Variants in PCDH11X observed in about 807,000 individuals in gnomAD.
PCDH11X encodes the protein protocadherin 11 X-linked.
PCDH11X carries 18 observed loss-of-function variants against 53.3 expected under a neutral mutation model. The ratio of observed to expected loss-of-function variants is 0.34; its 90% CI spans 0.23 to 0.50. The LOEUF is 0.50. PCDH11X is among the 20% of genes least tolerant of loss of function. PCDH11X has a pLI of 0.98. For synonymous variants in PCDH11X, 279 were observed against 393.3 expected, an observed-to-expected ratio of 0.71 and a Z score of 3.44; for missense variants, 570 against 1,032.4, an observed-to-expected ratio of 0.55 and a Z score of 6.14.
intron 6 of PCDH11X, among the ~76,000 whole-genome samples, chrX:92,118,471 T>C (rs1449168248): frequency 9.3e-6 from 1 of 107,969 alleles, no homozygotes; most frequent in Non-Finnish European, 1.9e-5. Flanking sequence ...ATGTATTGAC[T>C]CATTCCAAAG....
At chrX:92,176,494 G>C (rs1382322114) in intron 6 of PCDH11X, among the ~76,000 whole-genome samples, 1 of 112,004 alleles carries the variant, frequency 8.9e-6, no homozygotes, top group East Asian at 2.8e-4. Context: ...ATGAGATCCA[G>C]ATTCAACATG....
intron 7 of PCDH11X, among the ~76,000 whole-genome samples, chrX:92,253,971 T>G (rs2067511600): frequency 8.9e-6 from 1 of 112,128 alleles, no homozygotes. Flanking sequence ...TCCAGTACTA[T>G]GTTGAATAAC....
At chrX:92,293,615 T>C (rs1277990560) in intron 8 of PCDH11X, among the ~76,000 whole-genome samples, 1 of 88,019 alleles carries the variant, frequency 1.1e-5, no homozygotes. Context: ...AGAGCGAGAC[T>C]CCGTCTCAAA....
chrX:92,595,114 A>G (rs1216662638), intron 10 of PCDH11X, among the ~76,000 whole-genome samples: 1 of 110,038 alleles, frequency 9.1e-6, no homozygotes, highest in Non-Finnish European at 1.9e-5. Context: ...CATTGAATGA[A>G]ATGGCATACT....
chrX:92,100,427 G>C (rs1219984844), intron 6 of PCDH11X, among the ~76,000 whole-genome samples: 1 of 108,715 alleles, frequency 9.2e-6, no homozygotes, highest in Non-Finnish European at 1.9e-5. Flanking sequence ...GTTCTCTGGC[G>C]GGTAGGAGTG....
chrX:92,097,681 A>T (rs957029938), intron 6 of PCDH11X, among the ~76,000 whole-genome samples: 11 of 110,327 alleles, frequency 1.0e-4, no homozygotes, highest in Admixed American at 3.9e-4. Flanking sequence ...ATTTCAATAT[A>T]TGTATCCTCA....
intron 1 of PCDH11X, among the ~76,000 whole-genome samples, chrX:91,796,125 C>T (rs909186993): frequency 1.3e-4 from 15 of 111,435 alleles, no homozygotes; most frequent in African/African-American, 4.9e-4. Context: ...AGTATAAAAG[C>T]CAGCAACCTC....
At chrX:91,907,466 G>A (rs765692701) in intron 6 of PCDH11X, among the ~76,000 whole-genome samples, 10 of 94,530 alleles carry the variant, frequency 1.1e-4, no homozygotes, top group African/African-American at 3.9e-4. Context: ...TATTTTAATA[G>A]ACAAATATAA....
intron 8 of PCDH11X, among the ~76,000 whole-genome samples, chrX:92,271,259 T>C (rs761899511): frequency 6.2e-5 from 7 of 112,299 alleles, no homozygotes; most frequent in African/African-American, 2.3e-4. Flanking sequence ...GAAATTCTTC[T>C]GTCTGCAGTT....
chrX:92,309,672 A>T (rs778440397), intron 8 of PCDH11X, among the ~76,000 whole-genome samples: 1 of 112,010 alleles, frequency 8.9e-6, no homozygotes, highest in Non-Finnish European at 1.9e-5. Context: ...ATATTTTTTC[A>T]CAATGAAAGA....
chrX:91,882,562 T>C (rs1047814663), intron 6 of PCDH11X, among the ~76,000 whole-genome samples: 2 of 110,447 alleles, frequency 1.8e-5, no homozygotes, highest in African/African-American at 6.6e-5. Flanking sequence ...GGTACATCAT[T>C]TTCCAAAAAA....
In PCDH11X at chrX:92,440,867, A is replaced by G. The variant is rs7053595; in HGVS notation, c.3344-27432A>G. ...GAGGTTGGAACAATTTGGAGGGCTC[A>G]GAAGAAGACAGGAAAATGTGGGAAA... On this transcript the variant is annotated intron_variant, in intron 9 of 10. Coordinates refer to ENST00000682573, the MANE Select transcript of PCDH11X (RefSeq NM_032968.5). 9.2e-3 allele frequency among the ~76,000 whole-genome samples: 1,027 copies of G among 111,589 alleles called. 13 individuals carry two copies. Among genetic ancestry groups the G allele is most frequent in the African/African-American group, 0.032 (976 of 30,691 alleles).
intron 1 of PCDH11X, among the ~76,000 whole-genome samples, chrX:91,795,241 C>A (rs1464189815): frequency 9.0e-6 from 1 of 111,512 alleles, no homozygotes; most frequent in Non-Finnish European, 1.9e-5. Context: ...ACAGTTACAC[C>A]TACTGACTTA....
rs1033089365 is a variant in PCDH11X, at chrX:92,552,437, G to A, written c.3368-65827G>A. On this transcript the variant is annotated intron_variant, in intron 10 of 10. Transcript: ENST00000682573. ...TTCATGAGTTCTAACAGTTTCGTTC[G>A]TGCAGTCTTAGGTTTTTCCAAATAT... 5.7e-5 allele frequency among the ~76,000 whole-genome samples: 6 copies of A among 104,785 alleles called. No individual in the cohort carries two copies. The East Asian group carries it at 9.0e-4, about 16-fold the overall frequency. 91.0% of individuals were successfully genotyped at this position (104,785 alleles called of 115,157 possible).
chrX:91,943,966 T>A (rs1386589495), intron 6 of PCDH11X, among the ~76,000 whole-genome samples: 1 of 103,949 alleles, frequency 9.6e-6, no homozygotes, highest in Non-Finnish European at 2.0e-5. Context: ...TCACCTTAGC[T>A]GGCTTAGCTG....
intron 5 of PCDH11X, among the ~76,000 whole-genome samples, chrX:91,860,899 A>C (rs764079659): frequency 2.5e-4 from 28 of 112,008 alleles, no homozygotes; most frequent in African/African-American, 8.4e-4. Flanking sequence ...ATTGATGTTC[A>C]TTAAAGATAT....
intron 6 of PCDH11X, among the ~76,000 whole-genome samples, chrX:92,060,276 A>G (rs943575915): frequency 1.2e-4 from 12 of 102,569 alleles, no homozygotes; most frequent in African/African-American, 4.3e-4. Context: ...AGATGACTTT[A>G]TAAGTAATTT....
chrX:92,037,744 C>A (rs1262214900), intron 6 of PCDH11X, among the ~76,000 whole-genome samples: 1 of 110,907 alleles, frequency 9.0e-6, no homozygotes, highest in Non-Finnish European at 1.9e-5. Flanking sequence ...TTCTGACTGG[C>A]ATGAGATGGT....
At position 91,882,980 on chromosome X, in the gene PCDH11X, C is replaced by G. The variant is rs752086165; in HGVS notation, c.3033+3707C>G. The G allele has an allele frequency of 3.4e-6, 4 of 1,162,562 alleles. No homozygotes were observed. The South Asian group carries it at 5.6e-5, about 16-fold the overall frequency. ...TCTAGGAACAACAAAATTCCATTCCCCTTCCAAAAAATTTCAATGATTGTG... is the reference window on the plus strand; with the variant it reads ...TCTAGGAACAACAAAATTCCATTCCGCTTCCAAAAAATTTCAATGATTGTG... On this transcript the variant is annotated intron_variant, in intron 6 of 10. Transcript: ENST00000682573.
Sources: gnomAD v4.1 joint callset for allele counts (sites outside exome capture counted in the v4.1 genomes callset) on GRCh38, gnomAD v4.1.1 for gene constraint, MANE v1.5 for transcripts, NCBI Gene and HGNC (gene_info 2026-07-23, HGNC 2026-07-21) for gene names.